Variants in ETV7 observed in about 807,000 individuals in gnomAD.
ETV7 encodes the protein ETS variant transcription factor 7, also known as transcription factor ETV7.
A neutral mutation model predicts 39.1 loss-of-function variants in ETV7; 43 were observed. The ratio of observed to expected loss-of-function variants is 1.10; its 90% CI spans 0.86 to 1.42. The LOEUF (loss-of-function observed/expected upper bound fraction) is 1.42. ETV7 is among the 40% of genes most tolerant of loss of function. The pLI is 0.00. For synonymous variants in ETV7, 196 were observed against 176.6 expected (o/e 1.11, Z -0.87); for missense variants, 432 against 442.3 (o/e 0.98, Z 0.21).
chr6:36,355,833 A>T (rs73406976), intron 7 of ETV7, among the ~76,000 whole-genome samples: 9,347 of 152,232 alleles, frequency 0.061, 527 homozygotes, highest in African/African-American at 0.15. Context: ...GGAATATTTG[A>T]CACCACTCAG....
intron 2 of ETV7, among the ~76,000 whole-genome samples, chr6:36,380,921 C>T (rs1253102021): frequency 6.6e-6 from 1 of 151,118 alleles, no homozygotes; most frequent in Non-Finnish European, 1.5e-5. Context: ...ATCCCTTTTA[C>T]TCTCTTGCTG....
downstream of ETV7, among the ~76,000 whole-genome samples, chr6:36,363,253 C>G (rs1418032623): frequency 6.6e-6 from 1 of 152,182 alleles, no homozygotes; most frequent in Non-Finnish European, 1.5e-5. Flanking sequence ...TTCTGATGTT[C>G]CGACGTGTTC....
At chr6:36,362,747 G>A (rs1028592115), downstream of ETV7, among the ~76,000 whole-genome samples, 3 of 152,218 alleles carry the variant, frequency 2.0e-5, no homozygotes, top group Non-Finnish European at 4.4e-5. Flanking sequence ...GGGATCTCTG[G>A]CAGTGATTCA....
downstream of ETV7, among the ~76,000 whole-genome samples, chr6:36,362,002 A>G (rs888954739): frequency 1.3e-5 from 2 of 152,016 alleles, no homozygotes; most frequent in Admixed American, 1.3e-4. Context: ...TAAAAATACA[A>G]AAGTTAGCTG....
intron 3 of ETV7, 98 bp from the exon 4 acceptor site, chr6:36,373,676 G>T (rs1354677466): frequency 1.5e-6 from 2 of 1,371,534 alleles, no homozygotes; most frequent in African/African-American, 3.1e-5. Flanking sequence ...GCAAGGGCTG[G>T]CATGTCTTGT....
At chr6:36,360,731 C>T (rs1157407774) in intron 7 of ETV7, among the ~76,000 whole-genome samples, 1 of 152,152 alleles carries the variant, frequency 6.6e-6, no homozygotes, top group African/African-American at 2.4e-5. Context: ...AGCCCACAGC[C>T]CAGAATCCCA....
chr6:36,372,699 G>A (rs975245467), intron 4 of ETV7, among the ~76,000 whole-genome samples: 1 of 145,908 alleles, frequency 6.9e-6, no homozygotes, highest in African/African-American at 2.6e-5. Context: ...TTGTGGGGCT[G>A]GGGAAGACTG....
At chr6:36,380,449 C>G (rs1466701752) in intron 2 of ETV7, among the ~76,000 whole-genome samples, 1 of 152,238 alleles carries the variant, frequency 6.6e-6, no homozygotes, top group African/African-American at 2.4e-5. Flanking sequence ...TCCCGACTCC[C>G]AGCTCCCAAG....
At chr6:36,379,389 A>G (rs1157689202) in intron 2 of ETV7, among the ~76,000 whole-genome samples, 1 of 152,068 alleles carries the variant, frequency 6.6e-6, no homozygotes, top group African/African-American at 2.4e-5. Flanking sequence ...ACAAACAAAA[A>G]AATTTTTTTT....
At position 36,378,996 on chromosome 6, in the gene ETV7, G is replaced by A. The variant is rs141536452; in HGVS notation, c.143-2961C>T. Among the ~76,000 whole-genome samples the A allele has an allele frequency of 3.9e-5, 6 of 152,314 alleles. No individual in the cohort carries two copies. The East Asian group carries it at 1.2e-3, about 29-fold the overall frequency. On this transcript the variant is annotated intron_variant, in intron 2 of 7. Transcript: ENST00000340181. Reference sequence around the variant, plus strand: ...AGTGCAGGGAAAAGGATGCTTTGCTGGTGAAGATAGGAATTTAGAGCCGCG... The same window carrying A: ...AGTGCAGGGAAAAGGATGCTTTGCTAGTGAAGATAGGAATTTAGAGCCGCG...
Position 36,354,648 on chromosome 6 carries a change from GAA to G in ETV7, c.946_947del (p.Phe316ProfsTer38). 1.4e-6 allele frequency: 1 copy of G among 696,604 alleles called. No homozygotes were observed. Among genetic ancestry groups the G allele is most frequent in the Non-Finnish European group, 2.6e-6 (1 of 382,766 alleles). 43.2% of individuals were successfully genotyped at this position (696,604 alleles called of 1,614,324 possible). A position where few individuals can be genotyped will look rare whatever the true frequency, so the allele number is the denominator to read the frequency against. On this transcript the variant is annotated frameshift_variant, in exon 8 of 8. Transcript: ENST00000339796. LOFTEE classifies it high-confidence loss of function. ...CTGTTTTGGCTATTTGGGGTCACTG[GAA>G]ACTCCATATGAATATGAAGATCAGC... is the stretch of plus-strand genomic sequence containing the variant.
intron 4 of ETV7, 71 bp downstream of exon 4, chr6:36,373,382 G>A: frequency 3.5e-6 from 5 of 1,434,772 alleles, no homozygotes; most frequent in Non-Finnish European, 4.6e-6. Context: ...GCTTCGCCTT[G>A]AGGATGTCCT....
chr6:36,379,692 A>G (rs1195222020), intron 2 of ETV7, among the ~76,000 whole-genome samples: 2 of 152,054 alleles, frequency 1.3e-5, no homozygotes, highest in Non-Finnish European at 2.9e-5. Flanking sequence ...CCTGGCCAAC[A>G]TGGTGAAACC....
downstream of ETV7, among the ~76,000 whole-genome samples, chr6:36,362,268 G>A (rs1043406068): frequency 6.6e-5 from 10 of 151,696 alleles, no homozygotes; most frequent in Admixed American, 3.3e-4. Context: ...CGCCACTGCA[G>A]TCCGGCCTGT....
intron 3 of ETV7, among the ~76,000 whole-genome samples, chr6:36,374,356 C>CAAA (rs34244110): frequency 2.8e-5 from 4 of 143,576 alleles, no homozygotes; most frequent in Admixed American, 2.8e-4. Context: ...GACCCTGTCT[C>CAAA]AAAAAAAAAA....
At chr6:36,363,410 A>G (rs180882379), downstream of ETV7, among the ~76,000 whole-genome samples, 13 of 151,348 alleles carry the variant, frequency 8.6e-5, no homozygotes, top group Admixed American at 1.3e-4. Flanking sequence ...TGGCTCCAGG[A>G]GTGAAGCTGC....
At chr6:36,364,564 G>A (rs117969604), downstream of ETV7, among the ~76,000 whole-genome samples, 84 of 152,394 alleles carry the variant, frequency 5.5e-4, 1 homozygote, top group East Asian at 0.011. Context: ...CGAAAGTTCA[G>A]CTGGCCCGCA....
At chr6:36,380,328 A>G (rs1271775240) in intron 2 of ETV7, among the ~76,000 whole-genome samples, 1 of 152,082 alleles carries the variant, frequency 6.6e-6, no homozygotes, top group Non-Finnish European at 1.5e-5. Context: ...AATCCATTGC[A>G]TTTTCAGTTC....
At chr6:36,376,732 T>C (rs147768457) in intron 2 of ETV7, among the ~76,000 whole-genome samples, 1,970 of 146,378 alleles carry the variant, frequency 0.013, 41 homozygotes, top group African/African-American at 0.046. Flanking sequence ...GCCGAGATCA[T>C]GCGACTGCAC....
Sources: allele counts gnomAD v4.1 joint callset (sites outside exome capture counted in the v4.1 genomes callset), GRCh38; gene constraint gnomAD v4.1.1; transcripts MANE v1.5; gene names NCBI Gene and HGNC (gene_info 2026-07-23, HGNC 2026-07-21).